Variants in TRMT11 observed in about 807,000 individuals in gnomAD.
The protein encoded by TRMT11 is tRNA methyltransferase 11.
TRMT11 carries 53 observed loss-of-function variants against 62.8 expected under a neutral mutation model. That is an observed-to-expected ratio of 0.84 (90% CI 0.68 to 1.06). The LOEUF is 1.06. TRMT11 is among the 50% of genes least tolerant of loss of function. The pLI is 0.00. For synonymous variants in TRMT11, 188 were observed against 190.3 expected (o/e 0.99, Z 0.10); for missense variants, 556 against 553.4 (o/e 1.00, Z -0.05).
At chr6:126,093,784 A>G (rs2128171120) in intron 17 of TRMT11, among the ~76,000 whole-genome samples, 2 of 151,458 alleles carry the variant, frequency 1.3e-5, no homozygotes, top group Middle Eastern at 3.4e-3. Context: ...TGAGGCTTAT[A>G]GTACATGTAT....
At chr6:126,061,661 C>T (rs1397655222) in intron 17 of TRMT11, among the ~76,000 whole-genome samples, 3 of 151,980 alleles carry the variant, frequency 2.0e-5, no homozygotes, top group Non-Finnish European at 4.4e-5. Flanking sequence ...GGTAATGGCA[C>T]CTTCCTCGTC....
the TRMT11 span, among the ~76,000 whole-genome samples, chr6:126,238,220 C>T: frequency 3.4e-3 from 522 of 152,198 alleles, 2 homozygotes; most frequent in African/African-American, 0.012. Context: ...TTCAGTTCTG[C>T]GCTAATCTTA....
chr6:126,035,952 C>T lies in TRMT11; in HGVS notation c.1261-2753C>T, dbSNP rs192540560. 2.6e-5 allele frequency among the ~76,000 whole-genome samples: 4 copies of T among 152,226 alleles called. No individual in the cohort carries two copies. In the East Asian group the frequency reaches 7.7e-4, roughly 29 times the overall value. ...TGCTTTGGGCTTTGTCTTCTGCCTCCCTCTTGTGAGCTGCATAACCACAGC... is the reference window on the plus strand; with the variant it reads ...TGCTTTGGGCTTTGTCTTCTGCCTCTCTCTTGTGAGCTGCATAACCACAGC... On this transcript the variant is annotated intron_variant, in intron 12 of 12. Coordinates refer to ENST00000334379, the MANE Select transcript of TRMT11 (RefSeq NM_001031712.3).
chr6:126,160,833 T>C (rs1778181714), intron 21 of TRMT11, among the ~76,000 whole-genome samples: 1 of 152,142 alleles, frequency 6.6e-6, no homozygotes, highest in Non-Finnish European at 1.5e-5. Flanking sequence ...CAAACAATAA[T>C]CTTCTTTTAG....
intron 17 of TRMT11, among the ~76,000 whole-genome samples, chr6:126,053,719 C>G (rs1180800650): frequency 6.6e-6 from 1 of 151,946 alleles, no homozygotes; most frequent in East Asian, 1.9e-4. Context: ...CTCTCGAGAG[C>G]TTCGAGGAAC....
intron 17 of TRMT11, among the ~76,000 whole-genome samples, chr6:126,083,556 C>G (rs1006644922): frequency 1.3e-5 from 2 of 152,030 alleles, no homozygotes; most frequent in African/African-American, 4.8e-5. Context: ...AGATAGTAAA[C>G]AGATTATTAT....
intron 21 of TRMT11, among the ~76,000 whole-genome samples, chr6:126,137,540 T>A (rs563087148): frequency 6.6e-6 from 1 of 151,824 alleles, no homozygotes; most frequent in East Asian, 1.9e-4. Flanking sequence ...GAATGTCAAA[T>A]CATTATGGAA....
intron 11 of TRMT11, among the ~76,000 whole-genome samples, chr6:126,018,187 A>G (rs145963142): frequency 8.9e-4 from 136 of 152,332 alleles, no homozygotes; most frequent in African/African-American, 3.2e-3. Context: ...AATGTGCCCC[A>G]AAGTAGGACT....
downstream of TRMT11, among the ~76,000 whole-genome samples, chr6:126,204,550 T>G (rs529194133): frequency 6.6e-6 from 1 of 152,366 alleles, no homozygotes; most frequent in Admixed American, 6.5e-5. Flanking sequence ...GCAGCAAGGT[T>G]GAAACTTATA....
intron 17 of TRMT11, among the ~76,000 whole-genome samples, chr6:126,098,828 A>G (rs951065863): frequency 6.6e-6 from 1 of 152,166 alleles, no homozygotes. Context: ...TTGTTCTTTC[A>G]TGTTTCAGTA....
intron 17 of TRMT11, among the ~76,000 whole-genome samples, chr6:126,095,188 G>A (rs1777326913): frequency 6.6e-6 from 1 of 152,176 alleles, no homozygotes; most frequent in African/African-American, 2.4e-5. Flanking sequence ...ATGGATACTA[G>A]TAATAATCAA....
the TRMT11 span, among the ~76,000 whole-genome samples, chr6:126,257,285 A>G: frequency 6.6e-6 from 1 of 151,750 alleles, no homozygotes; most frequent in Admixed American, 6.6e-5. Flanking sequence ...CTTTCTGTTA[A>G]TGTGGTGTGC....
intron 17 of TRMT11, among the ~76,000 whole-genome samples, chr6:126,080,496 C>T (rs1024952312): frequency 6.6e-6 from 1 of 152,074 alleles, no homozygotes; most frequent in Non-Finnish European, 1.5e-5. Context: ...AGATTTAGAG[C>T]CCCTTGATTG....
At position 126,012,753 on chromosome 6, in the gene TRMT11, C is replaced by T. The variant is rs1329696188; in HGVS notation, c.926-18C>T. The T allele has an allele frequency of 1.2e-6, 2 of 1,603,144 alleles. No homozygotes were observed. Among genetic ancestry groups the T allele is most frequent in the East Asian group, 2.2e-5 (1 of 44,828 alleles). Reference sequence around the variant, plus strand: ...TGGTGACTTTTGACTATCTGTGTTACCTTTGTTTTCTGTCTAGCTCCATAT... The same window carrying T: ...TGGTGACTTTTGACTATCTGTGTTATCTTTGTTTTCTGTCTAGCTCCATAT... On this transcript the variant is annotated intron_variant, in intron 9 of 12. Transcript: ENST00000334379.
At chr6:126,020,382 C>G (rs1795644476) in intron 11 of TRMT11, among the ~76,000 whole-genome samples, 1 of 152,204 alleles carries the variant, frequency 6.6e-6, no homozygotes, top group Non-Finnish European at 1.5e-5. Flanking sequence ...TCTCCCACCT[C>G]TGTTACCTAT....
At chr6:126,123,656 G>T (rs1475762094) in intron 21 of TRMT11, among the ~76,000 whole-genome samples, 2 of 151,938 alleles carry the variant, frequency 1.3e-5, no homozygotes, top group East Asian at 3.9e-4. Context: ...GAATAAAGAG[G>T]CATGCTTGAA....
rs118113644 is a variant in TRMT11, at chr6:126,001,653, C to G, written c.679+2040C>G. On this transcript the variant is annotated intron_variant, in intron 7 of 12. Coordinates refer to ENST00000334379, the MANE Select transcript of TRMT11 (RefSeq NM_001031712.3). ...TGCTATTAAGCAATCTGTGGAGAGA[C>G]ACATTAAGGCCATGTAGTATTCTAT... Among the ~76,000 whole-genome samples the G allele has an allele frequency of 3.0e-4, 45 of 152,056 alleles. No homozygotes were observed. The East Asian group carries it at 7.7e-3, about 26-fold the overall frequency.
chr6:126,121,133 A>G (rs554279836), intron 21 of TRMT11, among the ~76,000 whole-genome samples: 2 of 152,188 alleles, frequency 1.3e-5, no homozygotes, highest in African/African-American at 4.8e-5. Flanking sequence ...TATTAACTCT[A>G]TTAGATTATC....
chr6:126,115,084 A>C (rs1305995680), intron 19 of TRMT11, among the ~76,000 whole-genome samples: 1 of 151,976 alleles, frequency 6.6e-6, no homozygotes, highest in Non-Finnish European at 1.5e-5. Flanking sequence ...TGTGCTCCTT[A>C]ATTCACTAAG....
Sources: allele counts gnomAD v4.1 joint callset (sites outside exome capture counted in the v4.1 genomes callset), GRCh38; gene constraint gnomAD v4.1.1; transcripts MANE v1.5; gene names NCBI Gene and HGNC (gene_info 2026-07-23, HGNC 2026-07-21).